BORCS5: variants seen among roughly 807,000 people sequenced by gnomAD.
BORCS5 encodes the protein BLOC-1-related complex subunit 5.
A neutral mutation model predicts 22.1 loss-of-function variants in BORCS5; 17 were observed. The observed-to-expected ratio is 0.77, with a 90% CI of 0.53 to 1.15. The LOEUF (loss-of-function observed/expected upper bound fraction) is 1.15. Ranked by LOEUF, BORCS5 falls within the 50% of genes most tolerant of loss-of-function variation. The probability of loss-of-function intolerance (pLI) is 0.00; values close to 1 mark genes in which losing one functional copy is unlikely to be tolerated. For missense variants in BORCS5, 247 were observed against 253.2 expected, an observed-to-expected ratio of 0.98 and a Z score of 0.17; for synonymous variants, 117 against 99.8, an observed-to-expected ratio of 1.17 and a Z score of -1.03.
At chr12:12,429,751 G>T (rs1195728899) in intron 2 of BORCS5, among the ~76,000 whole-genome samples, 1 of 152,138 alleles carries the variant, frequency 6.6e-6, no homozygotes, top group African/African-American at 2.4e-5. Context: ...GTGAGCTAAG[G>T]TTGGGTTCTG....
At position 12,469,851 on chromosome 12, in the gene BORCS5, C is replaced by T. The variant is rs1299073448; in HGVS notation, c.*4075C>T. Among the ~76,000 whole-genome samples the T allele has an allele frequency of 6.6e-6, 1 of 152,158 alleles. No homozygotes were observed. Among genetic ancestry groups the T allele is most frequent in the Non-Finnish European group, 1.5e-5 (1 of 68,034 alleles). On this transcript the variant is annotated 3_prime_UTR_variant, in exon 4 of 4. Transcript: ENST00000314565. ...GGACTTTTTAGGTATGAAATTTAATCACGAGAGTAGTTTTGCTTTTCTTTC... is the reference window on the plus strand; with the variant it reads ...GGACTTTTTAGGTATGAAATTTAATTACGAGAGTAGTTTTGCTTTTCTTTC...
intron 3 of BORCS5, among the ~76,000 whole-genome samples, chr12:12,448,673 C>T (rs1044857783): frequency 2.6e-5 from 4 of 151,932 alleles, no homozygotes; most frequent in Middle Eastern, 3.4e-3. Flanking sequence ...GGATTATAGG[C>T]GCCTGCCATC....
chr12:12,372,226 G>T (rs945693992), intron 2 of BORCS5, among the ~76,000 whole-genome samples: 5 of 152,188 alleles, frequency 3.3e-5, no homozygotes, highest in Non-Finnish European at 5.9e-5. Context: ...TTTTAGTAGA[G>T]ACGGGGTTTC....
At chr12:12,422,917 C>CTACAAACCATGGTTACAAAAGAGT (rs1316464993) in intron 2 of BORCS5, among the ~76,000 whole-genome samples, 21 of 150,950 alleles carry the variant, frequency 1.4e-4, no homozygotes, top group African/African-American at 5.1e-4. Flanking sequence ...AAAAGTGGAG[C>CTACAAACCATGGTTACAAAAGAGT]TACAAACCAT....
Position 12,433,322 on chromosome 12 carries a change from C to CAAAAAAA in BORCS5, c.203-2286_203-2280dup, listed in dbSNP as rs34833037. On this transcript the variant is annotated intron_variant, in intron 2 of 3. Coordinates refer to ENST00000314565, the MANE Select transcript of BORCS5 (RefSeq NM_058169.6). Reference sequence around the variant, plus strand: ...TGGAAGACAGAGCGAGACTGTGTCTCAAAAAAAAAAAAAAAAAAAAAAAAA... The same window carrying CAAAAAAA: ...TGGAAGACAGAGCGAGACTGTGTCTCAAAAAAAAAAAAAAAAAAAAAAAAAAAAAAAA... Among the ~76,000 whole-genome samples the CAAAAAAA allele has an allele frequency of 1.9e-3, 78 of 40,698 alleles. 2 individuals are homozygous for CAAAAAAA. Among genetic ancestry groups the CAAAAAAA allele is most frequent in the African/African-American group, 5.2e-3 (73 of 13,924 alleles). 26.7% of individuals were successfully genotyped at this position (40,698 alleles called of 152,430 possible). A position where few individuals can be genotyped will look rare whatever the true frequency, so the allele number is the denominator to read the frequency against.
intron 2 of BORCS5, among the ~76,000 whole-genome samples, chr12:12,372,799 C>G (rs1863559319): frequency 6.6e-6 from 1 of 152,118 alleles, no homozygotes; most frequent in Non-Finnish European, 1.5e-5. Context: ...TTTCTCCAGT[C>G]TCTGGAATTT....
At chr12:12,399,351 TA>T (rs1385854272) in intron 2 of BORCS5, among the ~76,000 whole-genome samples, 1 of 152,154 alleles carries the variant, frequency 6.6e-6, no homozygotes, top group African/African-American at 2.4e-5. Context: ...CGTAGCCCAC[TA>T]TTGTTCCCCA....
At chr12:12,398,513 C>G (rs1403476368) in intron 2 of BORCS5, among the ~76,000 whole-genome samples, 2 of 152,190 alleles carry the variant, frequency 1.3e-5, no homozygotes, top group African/African-American at 2.4e-5. Flanking sequence ...CCCCCACACC[C>G]TCAGAGGGCC....
intron 2 of BORCS5, among the ~76,000 whole-genome samples, chr12:12,421,890 T>G (rs770863833): frequency 3.3e-5 from 5 of 152,246 alleles, no homozygotes; most frequent in Non-Finnish European, 4.4e-5. Context: ...GTGGGATCGG[T>G]GATGATATTC....
chr12:12,406,807 T>TA (rs397744077), intron 2 of BORCS5, among the ~76,000 whole-genome samples: 5 of 151,886 alleles, frequency 3.3e-5, no homozygotes, highest in South Asian at 2.1e-4. Context: ...TTTTTTTTTT[T>TA]AAATAAAAAG....
intron 2 of BORCS5, among the ~76,000 whole-genome samples, chr12:12,386,403 C>T (rs1863881037): frequency 6.8e-6 from 1 of 147,608 alleles, no homozygotes; most frequent in South Asian, 2.1e-4. Context: ...CTTTAACACT[C>T]TTAGATTTAG....
chr12:12,396,882 C>G (rs996006326), intron 2 of BORCS5, among the ~76,000 whole-genome samples: 2 of 152,146 alleles, frequency 1.3e-5, no homozygotes, highest in African/African-American at 4.8e-5. Flanking sequence ...AAAAAATGCT[C>G]AGCATACTTT....
At chr12:12,421,891 G>C (rs1053586341) in intron 2 of BORCS5, among the ~76,000 whole-genome samples, 1 of 152,158 alleles carries the variant, frequency 6.6e-6, no homozygotes, top group Non-Finnish European at 1.5e-5. Flanking sequence ...TGGGATCGGT[G>C]ATGATATTCC....
At chr12:12,453,854 C>A (rs1160516021) in intron 3 of BORCS5, among the ~76,000 whole-genome samples, 1 of 152,148 alleles carries the variant, frequency 6.6e-6, no homozygotes, top group Non-Finnish European at 1.5e-5. Context: ...ATTCCCCTAT[C>A]CCCTGGCAAC....
intron 2 of BORCS5, among the ~76,000 whole-genome samples, chr12:12,416,230 T>C (rs1941950050): frequency 6.6e-6 from 1 of 152,164 alleles, no homozygotes; most frequent in African/African-American, 2.4e-5. Flanking sequence ...TCCTCTACTC[T>C]AGCAAAAGGT....
chr12:12,421,004 A>G (rs1029222621), intron 2 of BORCS5, among the ~76,000 whole-genome samples: 17 of 152,214 alleles, frequency 1.1e-4, no homozygotes, highest in African/African-American at 2.9e-4. Flanking sequence ...AACAGGGACA[A>G]TTTGACTTCC....
intron 3 of BORCS5, among the ~76,000 whole-genome samples, chr12:12,446,753 A>G (rs182022830): frequency 1.6e-4 from 24 of 152,254 alleles, no homozygotes; most frequent in Admixed American, 1.4e-3. Context: ...TCATTTACAC[A>G]TGAGTAGAGA....
chr12:12,465,133 A>G (rs1439619971), intron 3 of BORCS5, among the ~76,000 whole-genome samples: 1 of 152,010 alleles, frequency 6.6e-6, no homozygotes, highest in Non-Finnish European at 1.5e-5. Context: ...CACCACGCCC[A>G]TCTGCTCCTA....
At chr12:12,373,841 G>A (rs1027316423) in intron 2 of BORCS5, among the ~76,000 whole-genome samples, 6 of 152,134 alleles carry the variant, frequency 3.9e-5, no homozygotes, top group African/African-American at 1.4e-4. Flanking sequence ...GTCCCAAAGA[G>A]TAGATAAACA....
Sources: gnomAD v4.1 joint callset for allele counts (sites outside exome capture counted in the v4.1 genomes callset) on GRCh38, gnomAD v4.1.1 for gene constraint, MANE v1.5 for transcripts, NCBI Gene and HGNC (gene_info 2026-07-23, HGNC 2026-07-21) for gene names.